Variants in PCNX2 observed in about 807,000 individuals in gnomAD.
The protein encoded by PCNX2 is pecanex 2.
In PCNX2, 168 loss-of-function variants were observed where a neutral mutation model predicts 223.8. The ratio of observed to expected loss-of-function variants is 0.75; its 90% CI spans 0.66 to 0.85. The LOEUF (loss-of-function observed/expected upper bound fraction) is 0.85. PCNX2 is among the 40% of genes least tolerant of loss of function. PCNX2 has a pLI of 0.00. For missense variants in PCNX2, 2,507 were observed against 2,675.5 expected (o/e 0.94, Z 1.39); for synonymous variants, 1,006 against 1,052.6 (o/e 0.96, Z 0.86).
intron 22 of PCNX2, among the ~76,000 whole-genome samples, chr1:233,090,458 C>G (rs1673816311): frequency 6.6e-6 from 1 of 152,128 alleles, no homozygotes; most frequent in Non-Finnish European, 1.5e-5. Flanking sequence ...GGTTTAATAT[C>G]TAAGGATTGA....
rs115715805 is a variant in PCNX2 at position 233,248,843 on chromosome 1, G to A, written c.2222+1896C>T. Among the ~76,000 whole-genome samples, 1,151 of 152,218 alleles carry A rather than the reference G, an allele frequency of 7.6e-3. 9 individuals are homozygous for A. The highest frequency in any genetic ancestry group is 0.023 in the South Asian group (112 of 4,828). On this transcript the variant is annotated intron_variant, in intron 8 of 33. Transcript: ENST00000258229. ...TCAGTTGCCTCTCAGTCCATCACCCGCGCAGCACCCCAACACAACCTCACC... is the reference window on the plus strand; with the variant it reads ...TCAGTTGCCTCTCAGTCCATCACCCACGCAGCACCCCAACACAACCTCACC...
intron 26 of PCNX2, 140 bp from the exon 27 acceptor site, chr1:233,017,294 T>TTA (rs1397457220): frequency 5.8e-5 from 34 of 585,450 alleles, no homozygotes; most frequent in Non-Finnish European, 8.9e-5. Context: ...CAGAACTCAT[T>TTA]TGAGACATTC....
chr1:233,047,385 G>T, intron 25 of PCNX2: 1 of 985,256 alleles, frequency 1.0e-6, no homozygotes, highest in Middle Eastern at 5.2e-4. Context: ...CATTAACTTG[G>T]ACCCTTTAAA....
chr1:233,044,252 ATTGT>A (rs1387343798), intron 25 of PCNX2, among the ~76,000 whole-genome samples: 2 of 151,268 alleles, frequency 1.3e-5, no homozygotes, highest in East Asian at 1.9e-4. Context: ...TTTTGATGGG[ATTGT>A]TTGTTTTTTT....
intron 13 of PCNX2, 119 bp from the exon 14 acceptor site, chr1:233,200,383 C>CTTTTTTTT (rs1011802481): frequency 1.2e-4 from 26 of 210,948 alleles, no homozygotes; most frequent in South Asian, 3.9e-4. Context: ...TGGAGGCAAT[C>CTTTTTTTT]TTTTTTTTTT....
At chr1:233,204,102 T>C (rs1681303763) in intron 13 of PCNX2, among the ~76,000 whole-genome samples, 2 of 152,194 alleles carry the variant, frequency 1.3e-5, no homozygotes, top group African/African-American at 4.8e-5. Flanking sequence ...AATAGGGTCT[T>C]TGCAGATTAT....
At chr1:232,989,767 G>A (rs1407087510) in intron 32 of PCNX2, among the ~76,000 whole-genome samples, 2 of 152,198 alleles carry the variant, frequency 1.3e-5, no homozygotes, top group East Asian at 1.9e-4. Flanking sequence ...CAGAAAGTTC[G>A]GGGTGGGTAC....
chr1:233,243,486 G>C (rs1170871950), intron 8 of PCNX2, among the ~76,000 whole-genome samples: 1 of 152,126 alleles, frequency 6.6e-6, no homozygotes, highest in Non-Finnish European at 1.5e-5. Flanking sequence ...TAAAAGCCAA[G>C]GACATAATAT....
chr1:233,004,506 C>T (rs112265388), intron 28 of PCNX2, among the ~76,000 whole-genome samples: 117 of 151,798 alleles, frequency 7.7e-4, no homozygotes, highest in African/African-American at 2.8e-3. Context: ...TTCTCTATCA[C>T]GGCCACCTCT....
chr1:233,250,683 G>T (rs760937738), intron 8 of PCNX2, 56 bp downstream of exon 8: 2 of 1,514,030 alleles, frequency 1.3e-6, no homozygotes, highest in African/African-American at 1.4e-5. Flanking sequence ...TATCTTCATC[G>T]CTGTGTCTCC....
intron 28 of PCNX2, among the ~76,000 whole-genome samples, chr1:233,009,844 G>A (rs1292305834): frequency 1.3e-5 from 2 of 152,176 alleles, no homozygotes; most frequent in African/African-American, 2.4e-5. Context: ...GAGAAGCAGG[G>A]AGCTGGAACC....
chr1:233,099,043 T>A (rs1258293911), intron 21 of PCNX2, among the ~76,000 whole-genome samples: 1 of 152,214 alleles, frequency 6.6e-6, no homozygotes, highest in Non-Finnish European at 1.5e-5. Flanking sequence ...GGTCCTCTCA[T>A]TTTTCAGAGA....
rs377522876 is a variant in PCNX2, at chr1:233,252,438, C to A, written c.2044G>T (p.Val682Phe). The A allele has an allele frequency of 4.3e-6, 7 of 1,613,606 alleles. No homozygotes were observed. The highest frequency in any genetic ancestry group is 5.1e-6 in the Non-Finnish European group (6 of 1,179,652). Residue 682 changes from valine to phenylalanine, a missense_variant, in exon 7 of 34, where the codon GTC becomes TTC. By Grantham distance (50) the Val-to-Phe change is conservative. Coordinates refer to ENST00000258229, the MANE Select transcript of PCNX2 (RefSeq NM_014801.4). ...YRVTSQQDSS[V>F]LQVISGPETS... ...TCAGGCCCACTGATGACTTGCAAGA[C>A]AGAACTATCTTGTTGGGAAGTTACC...
Position 233,000,449 on chromosome 1 carries a change from G to A in PCNX2, c.5184C>T (p.Cys1728=). The change falls in exon 30 of 34, where the codon TGC becomes TGT. Residue 1728 remains cysteine (C), a synonymous_variant. Coordinates refer to ENST00000258229, the MANE Select transcript of PCNX2 (RefSeq NM_014801.4). This position sits in a 1 kb window ranked among gnomAD's most constrained non-coding sequence, Gnocchi z 4.6. ...IQSFEKKVVI[C]HEGDPAWRGA... ...CCCGCCAGGCCGGGTCGCCCTCGTG[G>A]CAGATGACCACCTTCTTCTCGAAGG... 6.3e-7 allele frequency: 1 copy of A among 1,598,042 alleles called. No individual in the cohort carries two copies. The highest frequency in any genetic ancestry group is 1.1e-5 in the South Asian group (1 of 89,010).
At chr1:233,129,053 G>A (rs754205020) in intron 21 of PCNX2, among the ~76,000 whole-genome samples, 9 of 152,208 alleles carry the variant, frequency 5.9e-5, no homozygotes, top group East Asian at 3.9e-4. Flanking sequence ...CCGCCACTGC[G>A]CTGTGGGGGC....
chr1:233,015,411 C>T (rs1256827583), intron 27 of PCNX2, among the ~76,000 whole-genome samples: 6 of 152,094 alleles, frequency 3.9e-5, no homozygotes, highest in Admixed American at 3.9e-4. Context: ...AAAAAATTAG[C>T]CAGGTGGCCG....
At position 233,025,349 on chromosome 1, in the gene PCNX2, C is replaced by T; in HGVS notation, c.4402G>A (p.Glu1468Lys). 6.2e-7 allele frequency: 1 copy of T among 1,614,014 alleles called. No individual in the cohort carries two copies. The highest frequency in any genetic ancestry group is 8.5e-7 in the Non-Finnish European group (1 of 1,179,884). The change falls in exon 26 of 34, where the codon GAG (glutamate) becomes AAG (lysine). Residue 1468 changes from glutamate (E) to lysine (K), a missense_variant. This residue lies in a region of PCNX2 where 1,372 missense variants were observed against 1,509.4 expected (regional missense o/e 0.91). Transcript: ENST00000258229. ...EVEAIMEGDEEDRGCCCCKPG... is the reference protein window; with the variant it reads ...EVEAIMEGDEKDRGCCCCKPG... ...TTGCAGCAGCAGCAGCCTCTGTCCT[C>T]CTCGTCGCCCTCCATGATGGCTTCT...
rs116509531 is a variant in PCNX2, at chr1:233,161,280, C to T, written c.3357G>A (p.Leu1119=). 3,177 of 1,613,398 alleles carry T rather than the reference C, an allele frequency of 2.0e-3. 62 individuals are homozygous for T. In the African/African-American group the frequency reaches 0.036, roughly 18 times the overall value. Residue 1119 remains leucine, a synonymous_variant, in exon 18 of 34, where the codon CTG becomes CTA. Coordinates refer to ENST00000258229, the MANE Select transcript of PCNX2 (RefSeq NM_014801.4). ...SFAVSASTVF[L]SLRPFLSIVL... ...GTTGGTGGATACATACTCGCAATGA[C>T]AGGAATACAGTGCTGGCGCTGACTG... is the stretch of plus-strand genomic sequence containing the variant.
At chr1:233,029,930 T>C (rs1318519935) in intron 25 of PCNX2, among the ~76,000 whole-genome samples, 1 of 152,200 alleles carries the variant, frequency 6.6e-6, no homozygotes. Context: ...TTTCTTTGTG[T>C]TTGTCTTGCT....
Sources: gnomAD v4.1 joint callset for allele counts (sites outside exome capture counted in the v4.1 genomes callset) on GRCh38, gnomAD v4.1.1 for gene constraint, gnomAD v4.1.1 regional missense constraint, Gnocchi (gnomAD v3.1) non-coding constraint, MANE v1.5 for transcripts, NCBI Gene and HGNC (gene_info 2026-07-23, HGNC 2026-07-21) for gene names.